MACROD2: variants seen among roughly 807,000 people sequenced by gnomAD.
MACROD2 encodes mono-ADP ribosylhydrolase 2.
Under a neutral mutation model 70.4 loss-of-function variants are expected in MACROD2, and 36 were observed. That is an observed-to-expected ratio of 0.51 (90% CI 0.39 to 0.68). MACROD2 has a LOEUF of 0.68. MACROD2 is among the 30% of genes least tolerant of loss of function. The probability of loss-of-function intolerance (pLI) is 0.00; values close to 1 mark genes in which losing one functional copy is unlikely to be tolerated. For missense variants in MACROD2, 496 were observed against 538.4 expected, an observed-to-expected ratio of 0.92 and a Z score of 0.78; for synonymous variants, 172 against 178.8, an observed-to-expected ratio of 0.96 and a Z score of 0.30.
At chr20:15,299,041 T>G (rs1280332719) in intron 6 of MACROD2, among the ~76,000 whole-genome samples, 2 of 152,222 alleles carry the variant, frequency 1.3e-5, no homozygotes, top group African/African-American at 4.8e-5. Context: ...TGGATGAGGC[T>G]ACTATTTTGA....
At chr20:14,298,813 C>T (rs2082450051) in intron 3 of MACROD2, among the ~76,000 whole-genome samples, 1 of 149,010 alleles carries the variant, frequency 6.7e-6, no homozygotes, top group African/African-American at 2.5e-5. Flanking sequence ...GAGAAAGTCA[C>T]TGAAGATATG....
chr20:15,539,814 T>C (rs529411311), intron 8 of MACROD2, among the ~76,000 whole-genome samples: 2 of 152,146 alleles, frequency 1.3e-5, no homozygotes, highest in Non-Finnish European at 2.9e-5. Context: ...GGTGAAACTC[T>C]GTCTCTACTA....
intron 8 of MACROD2, among the ~76,000 whole-genome samples, chr20:15,832,131 G>C (rs1040701326): frequency 7.9e-5 from 11 of 139,516 alleles, no homozygotes; most frequent in Non-Finnish European, 1.2e-4. Context: ...CCAATACTGA[G>C]AATATGGATG....
intron 4 of MACROD2, among the ~76,000 whole-genome samples, chr20:14,593,463 G>T (rs1424846826): frequency 1.3e-5 from 2 of 152,160 alleles, no homozygotes; most frequent in Non-Finnish European, 2.9e-5. Flanking sequence ...TTAATTAACA[G>T]CTTTGTGGTG....
chr20:14,057,102 T>A (rs1053081794), intron 2 of MACROD2, among the ~76,000 whole-genome samples: 1 of 152,132 alleles, frequency 6.6e-6, no homozygotes, highest in Admixed American at 6.6e-5. Context: ...ACCATGCACA[T>A]TTGATTGAAG....
At chr20:15,163,947 A>T (rs947942130) in intron 5 of MACROD2, among the ~76,000 whole-genome samples, 2 of 152,170 alleles carry the variant, frequency 1.3e-5, no homozygotes, top group African/African-American at 2.4e-5. Flanking sequence ...AATGAAACAG[A>T]CAAAAATCCT....
intron 8 of MACROD2, among the ~76,000 whole-genome samples, chr20:15,782,316 A>G (rs2051847196): frequency 6.6e-6 from 1 of 152,146 alleles, no homozygotes; most frequent in Non-Finnish European, 1.5e-5. Context: ...TTAAAACAAC[A>G]AATACTTACT....
chr20:15,713,487 T>G (rs574818125), intron 8 of MACROD2, among the ~76,000 whole-genome samples: 1 of 151,980 alleles, frequency 6.6e-6, no homozygotes, highest in South Asian at 2.1e-4. Context: ...AAACTTACAA[T>G]CATGGCAGAA....
chr20:15,467,351 C>A (rs2046907131), intron 7 of MACROD2, among the ~76,000 whole-genome samples: 1 of 152,216 alleles, frequency 6.6e-6, no homozygotes, highest in Admixed American at 6.5e-5. Flanking sequence ...TATTTGTTTG[C>A]ATTATCCTCC....
chr20:14,335,990 C>T (rs2082929411), intron 3 of MACROD2, among the ~76,000 whole-genome samples: 1 of 152,030 alleles, frequency 6.6e-6, no homozygotes, highest in Non-Finnish European at 1.5e-5. Flanking sequence ...TTGATTGTGG[C>T]ACTTTTAAAG....
intron 5 of MACROD2, among the ~76,000 whole-genome samples, chr20:15,129,921 G>C (rs578098984): frequency 2.6e-5 from 4 of 152,082 alleles, no homozygotes; most frequent in Non-Finnish European, 5.9e-5. Context: ...TCTGGCGTGT[G>C]AAGAGGAACA....
chr20:15,203,429 C>T (rs2145931877), intron 5 of MACROD2, among the ~76,000 whole-genome samples: 2 of 152,208 alleles, frequency 1.3e-5, no homozygotes, highest in South Asian at 2.1e-4. Flanking sequence ...CAGAGTGCAG[C>T]AGTGATTGTG....
Position 14,815,838 on chromosome 20 carries a change from A to G in MACROD2, c.418+130879A>G, listed in dbSNP as rs532635144. ...GCCAACTCTTTTCACACATGAGTTCATGTAACCCTTATGATTTGCCATCTA... is the reference window on the plus strand; with the variant it reads ...GCCAACTCTTTTCACACATGAGTTCGTGTAACCCTTATGATTTGCCATCTA... On this transcript the variant is annotated intron_variant, in intron 5 of 17. Coordinates refer to ENST00000684519, the MANE Select transcript of MACROD2 (RefSeq NM_001351661.2). Among the ~76,000 whole-genome samples the G allele has an allele frequency of 3.9e-5, 6 of 152,172 alleles. No homozygotes were observed. The South Asian group carries it at 1.2e-3, about 32-fold the overall frequency.
rs55990954 is a variant in MACROD2 at position 15,896,636 on chromosome 20, A to G, written c.775+10825A>G. Among the ~76,000 whole-genome samples the G allele has an allele frequency of 2.2e-3, 339 of 152,186 alleles. 1 individual carries two copies. The highest frequency in any genetic ancestry group is 0.014 in the Middle Eastern group (4 of 294). ...TTTTTTGAAGGAAGAAATATTGTCA[A>G]CATTATAACCTTGAGTGAAGCATTA... On this transcript the variant is annotated intron_variant, in intron 10 of 17. Coordinates refer to ENST00000684519, the MANE Select transcript of MACROD2 (RefSeq NM_001351661.2).
At chr20:14,424,094 T>C (rs568122072) in intron 3 of MACROD2, among the ~76,000 whole-genome samples, 1 of 152,300 alleles carries the variant, frequency 6.6e-6, no homozygotes, top group Non-Finnish European at 1.5e-5. Flanking sequence ...TAAATTTTTA[T>C]ATTGTCCCTT....
intron 6 of MACROD2, among the ~76,000 whole-genome samples, chr20:15,233,777 G>T (rs952437448): frequency 2.7e-5 from 4 of 150,736 alleles, no homozygotes; most frequent in African/African-American, 9.7e-5. Context: ...TTAAATGTAA[G>T]ATTTTAATCC....
At chr20:14,091,285 G>A (rs2054145398) in intron 3 of MACROD2, among the ~76,000 whole-genome samples, 1 of 152,108 alleles carries the variant, frequency 6.6e-6, no homozygotes, top group Admixed American at 6.6e-5. Flanking sequence ...CATTGCCACA[G>A]AAATTGAACT....
At chr20:14,562,592 C>A (rs1462648390) in intron 4 of MACROD2, among the ~76,000 whole-genome samples, 1 of 151,878 alleles carries the variant, frequency 6.6e-6, no homozygotes, top group Non-Finnish European at 1.5e-5. Flanking sequence ...TGCTCCAACC[C>A]TGGGTCATCT....
chr20:14,568,651 G>A (rs938956989), intron 4 of MACROD2, among the ~76,000 whole-genome samples: 1 of 151,890 alleles, frequency 6.6e-6, no homozygotes, highest in Non-Finnish European at 1.5e-5. Context: ...TATTATATGG[G>A]TTTGTGTTAT....
Sources: gnomAD v4.1 joint callset for allele counts (sites outside exome capture counted in the v4.1 genomes callset) on GRCh38, gnomAD v4.1.1 for gene constraint, MANE v1.5 for transcripts, NCBI Gene and HGNC (gene_info 2026-07-23, HGNC 2026-07-21) for gene names.